The following MGAT4C variants were observed in gnomAD, a reference collection of about 807,000 sequenced individuals.
MGAT4C encodes the protein MGAT4 family member C.
MGAT4C carries 19 observed loss-of-function variants against 40.1 expected under a neutral mutation model. The ratio of observed to expected loss-of-function variants is 0.47; its 90% CI spans 0.33 to 0.70. The LOEUF is 0.70. MGAT4C is among the 30% of genes least tolerant of loss of function. MGAT4C has a pLI of 0.02. For synonymous variants in MGAT4C, 181 were observed against 187.1 expected (o/e 0.97, Z 0.27); for missense variants, 491 against 563.2 (o/e 0.87, Z 1.30).
At chr12:86,365,900 A>G (rs943808414) in intron 3 of MGAT4C, among the ~76,000 whole-genome samples, 1 of 152,112 alleles carries the variant, frequency 6.6e-6, no homozygotes, top group African/African-American at 2.4e-5. Flanking sequence ...TAAATTTTAG[A>G]ATAGGTTTTT....
At chr12:86,590,098 TAAAACAAAAC>T (rs75177684) in intron 2 of MGAT4C, among the ~76,000 whole-genome samples, 15 of 151,408 alleles carry the variant, frequency 9.9e-5, no homozygotes, top group African/African-American at 2.2e-4. Flanking sequence ...CTGTGTGAAT[TAAAACAAAAC>T]AAAACAAAAC....
At chr12:86,599,500 T>G (rs1961681001) in intron 2 of MGAT4C, 1 of 152,320 alleles carries the variant, frequency 6.6e-6, no homozygotes, top group East Asian at 1.9e-4. Context: ...GTACTTCATT[T>G]GATTTAGACT....
At chr12:86,393,300 A>C (rs143103368) in intron 3 of MGAT4C, among the ~76,000 whole-genome samples, 2 of 152,298 alleles carry the variant, frequency 1.3e-5, no homozygotes, top group Non-Finnish European at 2.9e-5. Flanking sequence ...GATTTGTATC[A>C]CTTTCTTAAT....
chr12:86,347,265 A>G (rs1421853734), intron 3 of MGAT4C, among the ~76,000 whole-genome samples: 1 of 152,184 alleles, frequency 6.6e-6, no homozygotes, highest in East Asian at 1.9e-4. Context: ...AAACACGGCC[A>G]CATTAAGTCT....
intron 2 of MGAT4C, among the ~76,000 whole-genome samples, chr12:86,638,426 A>G (rs1384726154): frequency 6.6e-6 from 1 of 151,800 alleles, no homozygotes. Flanking sequence ...CTATCTACCT[A>G]TATGGTAGTA....
At chr12:86,807,250 C>T (rs1952374458) in intron 1 of MGAT4C, among the ~76,000 whole-genome samples, 1 of 151,922 alleles carries the variant, frequency 6.6e-6, no homozygotes, top group Non-Finnish European at 1.5e-5. Context: ...CATGCATTAG[C>T]TATTTTTCCT....
chr12:86,699,417 T>C (rs1387243050), intron 2 of MGAT4C, among the ~76,000 whole-genome samples: 4 of 152,160 alleles, frequency 2.6e-5, no homozygotes, highest in Non-Finnish European at 5.9e-5. Flanking sequence ...ATTTTGATGA[T>C]AAACCGATAC....
chr12:86,442,488 T>G (rs1957251289), intron 2 of MGAT4C, among the ~76,000 whole-genome samples: 1 of 152,324 alleles, frequency 6.6e-6, no homozygotes, highest in Admixed American at 6.5e-5. Flanking sequence ...GTCTAACATT[T>G]AAGTGTTTAA....
At chr12:86,590,414 G>T (rs555464516) in intron 2 of MGAT4C, among the ~76,000 whole-genome samples, 2 of 151,910 alleles carry the variant, frequency 1.3e-5, no homozygotes, top group South Asian at 4.1e-4. Context: ...ACTGGTTCCT[G>T]CTCACTACAT....
chr12:86,521,578 C>A (rs1958795583), intron 2 of MGAT4C, among the ~76,000 whole-genome samples: 1 of 151,564 alleles, frequency 6.6e-6, no homozygotes, highest in African/African-American at 2.4e-5. Context: ...GTTTGTTTGT[C>A]TTTTTGGTTC....
At chr12:86,515,478 T>C (rs183509588) in intron 2 of MGAT4C, among the ~76,000 whole-genome samples, 7 of 152,278 alleles carry the variant, frequency 4.6e-5, no homozygotes, top group Admixed American at 3.9e-4. Context: ...TATATTTTTA[T>C]ACACTAGCAA....
intron 1 of MGAT4C, among the ~76,000 whole-genome samples, chr12:86,074,773 T>C (rs773330775): frequency 1.7e-4 from 26 of 152,036 alleles, no homozygotes; most frequent in Non-Finnish European, 3.2e-4. Flanking sequence ...GAAGAGAGAA[T>C]TGAAGGCCAA....
intron 2 of MGAT4C, among the ~76,000 whole-genome samples, chr12:86,601,955 C>T (rs1332738489): frequency 6.6e-6 from 1 of 152,110 alleles, no homozygotes; most frequent in African/African-American, 2.4e-5. Flanking sequence ...CTGGTGTCTC[C>T]GAGCTTTGGG....
intron 3 of MGAT4C, among the ~76,000 whole-genome samples, chr12:86,406,889 GTTCAA>G (rs1350534911): frequency 6.6e-6 from 1 of 152,054 alleles, no homozygotes; most frequent in African/African-American, 2.4e-5. Context: ...GTATCTTCCA[GTTCAA>G]TTCAATTCTA....
rs540049230 is a variant in MGAT4C, at chr12:86,735,201, T to C, written c.-261-7960A>G. Among the ~76,000 whole-genome samples the C allele has an allele frequency of 2.0e-5, 3 of 151,498 alleles. No homozygotes were observed. In the East Asian group the frequency reaches 5.8e-4, roughly 29 times the overall value. On this transcript the variant is annotated intron_variant, in intron 1 of 7. Transcript: ENST00000548651. ...ATATTTTAAACACAGTAATAGTAAGTATTATGCAAAAATGAAGAGAAGCTG... is the reference window on the plus strand; with the variant it reads ...ATATTTTAAACACAGTAATAGTAAGCATTATGCAAAAATGAAGAGAAGCTG...
intron 2 of MGAT4C, among the ~76,000 whole-genome samples, chr12:86,601,870 G>A (rs1261352666): frequency 6.6e-6 from 1 of 152,164 alleles, no homozygotes; most frequent in Non-Finnish European, 1.5e-5. Flanking sequence ...AAGCCTTTCT[G>A]GGAGTCCATG....
chr12:86,197,041 C>T (rs982299350), intron 1 of MGAT4C, among the ~76,000 whole-genome samples: 2 of 152,196 alleles, frequency 1.3e-5, no homozygotes, highest in Non-Finnish European at 2.9e-5. Context: ...TCCAGCCTCA[C>T]CTTCAACACT....
intron 2 of MGAT4C, among the ~76,000 whole-genome samples, chr12:85,999,250 T>C (rs1189055470): frequency 1.3e-5 from 2 of 151,830 alleles, no homozygotes; most frequent in Non-Finnish European, 2.9e-5. Context: ...ATTGTGGGAG[T>C]TGCAGTTCAA....
chr12:86,393,627 A>G (rs560867075), intron 3 of MGAT4C, among the ~76,000 whole-genome samples: 1 of 152,314 alleles, frequency 6.6e-6, no homozygotes, highest in South Asian at 2.1e-4. Context: ...TACCCAAGGC[A>G]AATCCCATCT....
Sources: allele counts gnomAD v4.1 joint callset (sites outside exome capture counted in the v4.1 genomes callset), GRCh38; gene constraint gnomAD v4.1.1; transcripts MANE v1.5; gene names NCBI Gene and HGNC (gene_info 2026-07-23, HGNC 2026-07-21).